CPNE2: variants seen among roughly 807,000 people sequenced by gnomAD.
The protein encoded by CPNE2 is copine-2.
In CPNE2, 42 loss-of-function variants were observed where a neutral mutation model predicts 69.7. The ratio of observed to expected loss-of-function variants is 0.60; its 90% CI spans 0.47 to 0.78. The LOEUF (loss-of-function observed/expected upper bound fraction) is 0.78. CPNE2 is among the 30% of genes least tolerant of loss of function. The pLI is 0.00. For missense variants in CPNE2, 587 were observed against 732.0 expected (o/e 0.80, Z 2.29); for synonymous variants, 294 against 289.8 (o/e 1.01, Z -0.15).
At chr16:57,096,707 A>AT (rs1210827325) in intron 1 of CPNE2, among the ~76,000 whole-genome samples, 10 of 151,730 alleles carry the variant, frequency 6.6e-5, no homozygotes, top group African/African-American at 2.4e-4. Flanking sequence ...TCAAAAAAAA[A>AT]AAAAAAAAAA....
chr16:57,117,689 C>A, intron 5 of CPNE2, 122 bp downstream of exon 5: 1 of 1,113,208 alleles, frequency 9.0e-7, no homozygotes. Flanking sequence ...ACTGGTCCAG[C>A]ACGGGGCCCT....
At chr16:57,109,892 C>A (rs2069669828) in intron 1 of CPNE2, among the ~76,000 whole-genome samples, 1 of 152,184 alleles carries the variant, frequency 6.6e-6, no homozygotes, top group South Asian at 2.1e-4. Context: ...AGTTCCTATT[C>A]AAGATGGAGT....
chr16:57,125,795 C>T (rs2069796623), intron 10 of CPNE2, 65 bp from the exon 11 acceptor site: 2 of 1,596,794 alleles, frequency 1.3e-6, no homozygotes, highest in South Asian at 2.2e-5. Context: ...CTCCTATTCC[C>T]TGGGAGTGGG....
chr16:57,137,201 C>T lies in CPNE2; in HGVS notation c.1221C>T (p.Phe407=), dbSNP rs1386821281. ...CAGCTTGCCTGCCCCACATCCGCTT[C>T]TACGGTCCTACCAATTTCTCCCCCA... ...AYSACLPHIR[F]YGPTNFSPIV... The change falls in exon 14 of 16, where the codon TTC becomes TTT. Residue 407 remains phenylalanine (F), a synonymous_variant. Coordinates refer to ENST00000290776, the MANE Select transcript of CPNE2 (RefSeq NM_152727.6). 1 of 1,614,244 alleles carries T rather than the reference C, an allele frequency of 6.2e-7. No homozygotes were observed.
chr16:57,102,680 C>T (rs189382034), intron 1 of CPNE2, among the ~76,000 whole-genome samples: 82 of 151,878 alleles, frequency 5.4e-4, no homozygotes, highest in African/African-American at 1.7e-3. Flanking sequence ...CAGCTCATTG[C>T]AACCTCCACT....
At position 57,137,591 on chromosome 16, in the gene CPNE2, T is replaced by A. The variant is rs74697095; in HGVS notation, c.1302+309T>A. 2.3e-3 allele frequency among the ~76,000 whole-genome samples: 346 copies of A among 152,274 alleles called. 12 individuals are homozygous for A. The East Asian group carries it at 0.055, about 24-fold the overall frequency. On this transcript the variant is annotated intron_variant, in intron 14 of 15. Coordinates refer to ENST00000290776, the MANE Select transcript of CPNE2 (RefSeq NM_152727.6). Reference sequence around the variant, plus strand: ...TAACAAGATGGAAAACTGGAGGCAGTGATCCCTGAGGCCCTAACGCTGACC... The same window carrying A: ...TAACAAGATGGAAAACTGGAGGCAGAGATCCCTGAGGCCCTAACGCTGACC...
At chr16:57,115,399 C>T (rs2069711373) in intron 3 of CPNE2, 77 bp from the exon 4 acceptor site, 4 of 1,207,156 alleles carry the variant, frequency 3.3e-6, no homozygotes, top group Middle Eastern at 1.9e-4. Flanking sequence ...AGGATTTTTC[C>T]GGTGCCGGTG....
chr16:57,093,882 G>T, intron 1 of CPNE2: 1 of 355,716 alleles, frequency 2.8e-6, no homozygotes, highest in Non-Finnish European at 5.6e-6. Context: ...GTAATCCCTG[G>T]CAGCTGCAGC....
chr16:57,113,480 C>T lies in CPNE2; in HGVS notation c.360+13C>T, dbSNP rs1292256071. ...CAGCCTGGGCACGGTGAGCTGGGCC[C>T]TCCTGGGTGGGAGCAGGGGCCCAAA... is the stretch of plus-strand genomic sequence containing the variant. On this transcript the variant is annotated intron_variant, in intron 3 of 15. Transcript: ENST00000290776. 2 of 1,610,728 alleles carry T rather than the reference C, an allele frequency of 1.2e-6. No homozygotes were observed. Among genetic ancestry groups the T allele is most frequent in the Non-Finnish European group, 1.7e-6 (2 of 1,177,952 alleles).
intron 10 of CPNE2, chr16:57,124,391 T>G: frequency 2.2e-6 from 1 of 456,300 alleles, no homozygotes. Flanking sequence ...CCTCACTATT[T>G]TCCTATTTTC....
At chr16:57,119,326 C>A in intron 6 of CPNE2, 48 bp downstream of exon 6, 2 of 1,572,962 alleles carry the variant, frequency 1.3e-6, no homozygotes, top group Non-Finnish European at 1.7e-6. Flanking sequence ...GCCTGCAGTC[C>A]AGCCCCTCCA....
In CPNE2 at chr16:57,146,486, C is replaced by G. The variant is rs1249696561; in HGVS notation, c.1539+165C>G. 13 of 654,242 alleles carry G rather than the reference C, an allele frequency of 2.0e-5. No individual in the cohort carries two copies. The African/African-American group carries it at 2.2e-4, about 11-fold the overall frequency. 40.5% of individuals were successfully genotyped at this position (654,242 alleles called of 1,614,324 possible). On this transcript the variant is annotated intron_variant, in intron 15 of 15. Transcript: ENST00000290776. The surrounding 1 kb of genome is among the most constrained non-coding windows in gnomAD (Gnocchi z 4.4). ...GCCATGTGCCAGGCGCCGTGCCAGGCCTTGCCCCGGTGGTGGCCATTGTGA... is the reference window on the plus strand; with the variant it reads ...GCCATGTGCCAGGCGCCGTGCCAGGGCTTGCCCCGGTGGTGGCCATTGTGA...
chr16:57,124,297 G>A (rs1467100725), intron 10 of CPNE2: 5 of 426,684 alleles, frequency 1.2e-5, no homozygotes, highest in Non-Finnish European at 1.9e-5. Context: ...GCCCAGGCTG[G>A]TCTCAAACTC....
At chr16:57,100,747 AT>A (rs2069608030) in intron 1 of CPNE2, among the ~76,000 whole-genome samples, 1 of 152,182 alleles carries the variant, frequency 6.6e-6, no homozygotes, top group Non-Finnish European at 1.5e-5. Context: ...TATTATTCTC[AT>A]TTTATTATGG....
chr16:57,122,260 G>A (rs527667340), intron 9 of CPNE2, among the ~76,000 whole-genome samples: 2 of 152,220 alleles, frequency 1.3e-5, no homozygotes, highest in African/African-American at 4.8e-5. Context: ...ATAACTGCTG[G>A]ATCTGGCAGA....
chr16:57,124,618 C>T (rs2069787289), intron 10 of CPNE2: 2 of 322,028 alleles, frequency 6.2e-6, no homozygotes, highest in East Asian at 1.7e-4. Context: ...AGTCTTTGCC[C>T]CACAGACTCT....
At chr16:57,147,496 C>G in intron 15 of CPNE2, 55 bp from the exon 16 acceptor site, 3 of 1,308,080 alleles carry the variant, frequency 2.3e-6, no homozygotes, top group Non-Finnish European at 3.1e-6. Flanking sequence ...TCACAACTTC[C>G]GGTCATTAAT....
At chr16:57,109,475 C>CAAAA (rs1170223475) in intron 1 of CPNE2, among the ~76,000 whole-genome samples, 1 of 94,606 alleles carries the variant, frequency 1.1e-5, no homozygotes, top group Non-Finnish European at 2.3e-5. Flanking sequence ...GACTCTGCCT[C>CAAAA]AAAAAAAAAA....
chr16:57,110,175 C>G (rs1448452505), intron 1 of CPNE2, among the ~76,000 whole-genome samples: 1 of 151,818 alleles, frequency 6.6e-6, no homozygotes, highest in African/African-American at 2.4e-5. Flanking sequence ...ACTTCAAAGA[C>G]AAATTTAACA....
Sources: allele counts gnomAD v4.1 joint callset (sites outside exome capture counted in the v4.1 genomes callset), GRCh38; gene constraint gnomAD v4.1.1; non-coding constraint Gnocchi (gnomAD v3.1); transcripts MANE v1.5; gene names NCBI Gene and HGNC (gene_info 2026-07-23, HGNC 2026-07-21).